Variants in DLG1 observed in about 807,000 individuals in gnomAD.
The protein encoded by DLG1 is discs large MAGUK scaffold protein 1, also known as disks large homolog 1.
In DLG1, 42 loss-of-function variants were observed where a neutral mutation model predicts 123.4. The observed-to-expected ratio is 0.34, with a 90% CI of 0.27 to 0.44. DLG1 has a LOEUF of 0.44. Ranked by LOEUF, DLG1 falls within the 20% of genes least tolerant of loss-of-function variation. DLG1 has a pLI of 1.00. For synonymous variants in DLG1, 317 were observed against 356.2 expected, an observed-to-expected ratio of 0.89 and a Z score of 1.24; for missense variants, 942 against 1,082.6, an observed-to-expected ratio of 0.87 and a Z score of 1.82.
chr3:197,154,957 A>G (rs1394792584), intron 5 of DLG1, among the ~76,000 whole-genome samples: 1 of 152,174 alleles, frequency 6.6e-6, no homozygotes, highest in Non-Finnish European at 1.5e-5. Context: ...CATCAAGCAG[A>G]CCAACTAATG....
intron 16 of DLG1, among the ~76,000 whole-genome samples, chr3:197,084,701 T>C (rs1753209495): frequency 1.3e-5 from 2 of 151,786 alleles, no homozygotes. Context: ...CATAAAATCA[T>C]TTTAGTAAAA....
At chr3:197,060,077 C>A (rs1734704264) in intron 22 of DLG1, 79 bp from the exon 23 acceptor site, 1 of 974,094 alleles carries the variant, frequency 1.0e-6, no homozygotes, top group South Asian at 1.5e-5. Context: ...TCCTACAGGT[C>A]CACAGTCTAA....
At chr3:197,167,231 A>G (rs1461977611) in intron 5 of DLG1, among the ~76,000 whole-genome samples, 1 of 152,210 alleles carries the variant, frequency 6.6e-6, no homozygotes, top group African/African-American at 2.4e-5. Flanking sequence ...AATGCTAACT[A>G]AAAATGTAAT....
rs772773404 is a variant in DLG1 at position 197,194,631 on chromosome 3, T to C, written c.319-42A>G. The C allele has an allele frequency of 2.8e-6, 4 of 1,439,518 alleles. 1 individual carries two copies. The African/African-American group carries it at 4.4e-5, about 16-fold the overall frequency. The allele number at this position is 1,439,518 out of a possible 1,614,324, so 89.2% of individuals were successfully genotyped here. On this transcript the variant is annotated intron_variant, in intron 4 of 24. Coordinates refer to ENST00000667157, the MANE Select transcript of DLG1 (RefSeq NM_001366207.1). ...CATGAAGAAGCCCTGATAAGCAACA[T>C]GAGTTTAATTCAAATCATGGTTTTC...
At chr3:197,054,571 C>T (rs1560345137) in intron 23 of DLG1, among the ~76,000 whole-genome samples, 1 of 152,190 alleles carries the variant, frequency 6.6e-6, no homozygotes, top group South Asian at 2.1e-4. Flanking sequence ...CCAGAATTTC[C>T]TTTTGGTTTA....
At chr3:197,072,753 CGT>C (rs1417560850) in intron 18 of DLG1, among the ~76,000 whole-genome samples, 1 of 151,718 alleles carries the variant, frequency 6.6e-6, no homozygotes, top group African/African-American at 2.4e-5. Context: ...AGAGCAGTGG[CGT>C]GATCTCGGCT....
intron 4 of DLG1, among the ~76,000 whole-genome samples, chr3:197,267,273 A>G (rs1762069225): frequency 6.6e-6 from 1 of 152,234 alleles, no homozygotes; most frequent in African/African-American, 2.4e-5. Context: ...AAAATTTTCA[A>G]AAGCAGAGTA....
chr3:197,255,004 C>T lies in DLG1; in HGVS notation c.318+27675G>A, dbSNP rs1022785835. ...CTGGAAGGTGGAGGTTGCAGTGAGC[C>T]GAGATCACGCTACTGCATTCCAGCC... is the stretch of plus-strand genomic sequence containing the variant. On this transcript the variant is annotated intron_variant, in intron 4 of 24. Transcript: ENST00000667157. Among the ~76,000 whole-genome samples, 14 of 151,780 alleles carry T rather than the reference C, an allele frequency of 9.2e-5. 1 individual carries two copies. Among genetic ancestry groups the T allele is most frequent in the African/African-American group, 7.3e-5 (3 of 41,300 alleles).
intron 6 of DLG1, among the ~76,000 whole-genome samples, 165 bp downstream of exon 6, chr3:197,149,578 C>T (rs949842057): frequency 1.3e-5 from 2 of 151,924 alleles, no homozygotes; most frequent in African/African-American, 4.8e-5. Context: ...CAAAGGAGGA[C>T]CATACTACTT....
At chr3:197,048,865 C>T (rs987340364) in intron 24 of DLG1, among the ~76,000 whole-genome samples, 1 of 152,114 alleles carries the variant, frequency 6.6e-6, no homozygotes, top group Non-Finnish European at 1.5e-5. Flanking sequence ...CCATGTTGGT[C>T]AGGCTGGTCT....
intron 5 of DLG1, among the ~76,000 whole-genome samples, chr3:197,163,557 C>T (rs974583144): frequency 6.7e-6 from 1 of 150,340 alleles, no homozygotes; most frequent in Non-Finnish European, 1.5e-5. Flanking sequence ...GAGTCTCGCT[C>T]TGTTGCCCAG....
intron 5 of DLG1, among the ~76,000 whole-genome samples, chr3:197,176,096 C>T (rs995753356): frequency 1.2e-4 from 18 of 152,062 alleles, no homozygotes; most frequent in African/African-American, 4.3e-4. Context: ...AAACACATTT[C>T]CTAACTATAA....
intron 4 of DLG1, among the ~76,000 whole-genome samples, chr3:197,240,051 C>A (rs1748080856): frequency 6.6e-6 from 1 of 152,100 alleles, no homozygotes; most frequent in African/African-American, 2.4e-5. Context: ...CTTATCTTAG[C>A]CCACAGGATG....
rs191543177 is a variant in DLG1, at chr3:197,121,475, A to G, written c.1166-1945T>C. Among the ~76,000 whole-genome samples, 474 of 152,272 alleles carry G rather than the reference A, an allele frequency of 3.1e-3. 3 individuals carry two copies. The highest frequency in any genetic ancestry group is 0.011 in the African/African-American group (450 of 41,578). ...TCAGAAGTAGCAAGGCCATGCAGCT[A>G]AAGAGAATATAAGTTAAAAGCGAGA... On this transcript the variant is annotated intron_variant, in intron 11 of 24. Transcript: ENST00000667157.
intron 3 of DLG1, among the ~76,000 whole-genome samples, chr3:197,295,483 A>AG (rs1393816138): frequency 1.0e-5 from 1 of 95,498 alleles, no homozygotes; most frequent in Non-Finnish European, 2.5e-5. Context: ...TAACTAAAAC[A>AG]AAAAAAAAAA....
At chr3:197,127,291 C>CG (rs1227302523) in intron 11 of DLG1, among the ~76,000 whole-genome samples, 1 of 150,006 alleles carries the variant, frequency 6.7e-6, no homozygotes, top group Non-Finnish European at 1.5e-5. Flanking sequence ...GTCATGGTGT[C>CG]GCAAGCCTGT....
chr3:197,134,810 C>T (rs1197321138), intron 10 of DLG1, among the ~76,000 whole-genome samples: 2 of 152,204 alleles, frequency 1.3e-5, no homozygotes, highest in Admixed American at 6.5e-5. Context: ...AGTGTTGTGC[C>T]ATGGAGTATA....
intron 6 of DLG1, among the ~76,000 whole-genome samples, chr3:197,145,742 T>C (rs1056502690): frequency 6.6e-6 from 1 of 152,118 alleles, no homozygotes; most frequent in African/African-American, 2.4e-5. Flanking sequence ...CAATTCATGA[T>C]GTAGGTTTCT....
chr3:197,186,199 A>G lies in DLG1; in HGVS notation c.483+8226T>C, dbSNP rs116764299. Among the ~76,000 whole-genome samples, 798 of 152,324 alleles carry G rather than the reference A, an allele frequency of 5.2e-3. 6 individuals carry two copies. Among genetic ancestry groups the G allele is most frequent in the African/African-American group, 0.017 (709 of 41,558 alleles). ...ACAAAAAATCTATACCTAAATCACA[A>G]GAGGGGTTTCACATGAGATTAGACT... On this transcript the variant is annotated intron_variant, in intron 5 of 24. Transcript: ENST00000667157.
Sources: gnomAD v4.1 joint callset for allele counts (sites outside exome capture counted in the v4.1 genomes callset) on GRCh38, gnomAD v4.1.1 for gene constraint, MANE v1.5 for transcripts, NCBI Gene and HGNC (gene_info 2026-07-23, HGNC 2026-07-21) for gene names.